Variants in OSBPL10 observed in about 807,000 individuals in gnomAD.
OSBPL10 encodes oxysterol-binding protein-related protein 10.
Under a neutral mutation model 81.7 loss-of-function variants are expected in OSBPL10, and 49 were observed. That is an observed-to-expected ratio of 0.60 (90% CI 0.48 to 0.76). The LOEUF is 0.76. Ranked by LOEUF, OSBPL10 falls within the 30% of genes least tolerant of loss-of-function variation. The pLI is 0.00. For synonymous variants in OSBPL10, 419 were observed against 383.6 expected, an observed-to-expected ratio of 1.09 and a Z score of -1.08; for missense variants, 923 against 987.8, an observed-to-expected ratio of 0.93 and a Z score of 0.88.
chr3:31,934,344 A>T (rs1697327811), intron 1 of OSBPL10, among the ~76,000 whole-genome samples: 1 of 152,034 alleles, frequency 6.6e-6, no homozygotes, highest in Non-Finnish European at 1.5e-5. Flanking sequence ...TGTGGGGAAA[A>T]GGCAAAGGAA....
intron 7 of OSBPL10, among the ~76,000 whole-genome samples, chr3:31,691,568 T>A (rs1334544172): frequency 6.6e-6 from 1 of 152,058 alleles, no homozygotes; most frequent in Non-Finnish European, 1.5e-5. Context: ...AAAATGTTTT[T>A]AAATTAGCCA....
At chr3:31,753,870 A>T (rs1559449873) in intron 4 of OSBPL10, among the ~76,000 whole-genome samples, 1 of 152,196 alleles carries the variant, frequency 6.6e-6, no homozygotes, top group Admixed American at 6.5e-5. Context: ...AGACAGAGCC[A>T]GTGCCCTGTG....
intron 7 of OSBPL10, among the ~76,000 whole-genome samples, chr3:31,694,269 G>A (rs1303070526): frequency 6.6e-6 from 1 of 150,416 alleles, no homozygotes; most frequent in African/African-American, 2.5e-5. Context: ...TACTCAGGAG[G>A]CTGAGGCAGG....
chr3:31,761,823 A>AAAAAAAAAAAAAAAAAAAAAAAC (rs1553622727), intron 4 of OSBPL10, among the ~76,000 whole-genome samples: 14 of 149,984 alleles, frequency 9.3e-5, no homozygotes, highest in African/African-American at 3.6e-4. Context: ...TAAAAAAAAA[A>AAAAAAAAAAAAAAAAAAAAAAAC]AAAAAAAACC....
chr3:31,786,856 A>G (rs1211635978), intron 4 of OSBPL10, among the ~76,000 whole-genome samples: 5 of 152,190 alleles, frequency 3.3e-5, no homozygotes, highest in Non-Finnish European at 7.3e-5. Context: ...AGACTTTTGT[A>G]GATATGAGCA....
chr3:31,836,400 A>G (rs909149617), intron 3 of OSBPL10, among the ~76,000 whole-genome samples: 2 of 152,216 alleles, frequency 1.3e-5, no homozygotes, highest in African/African-American at 4.8e-5. Context: ...ATGCACGCAA[A>G]TGCCAGATTT....
rs1336873038 is a variant in OSBPL10 at position 31,747,910 on chromosome 3, C to A, written c.940G>T (p.Glu314Ter). Reference sequence around the variant, plus strand: ...ATGGACAAGCCCCCGGGGGTCTTACCCGAGGCTCCTGGCTTCTGGCTGGGC... The same window carrying A: ...ATGGACAAGCCCCCGGGGGTCTTACACGAGGCTCCTGGCTTCTGGCTGGGC... ...GQPSQKPGAS[E>*]NILGWHGSKS... is the part of the protein sequence containing the mutation. Residue 314 changes from glutamate to a stop codon, truncating the protein, a stop_gained and splice_region_variant, in exon 5 of 12, where the codon GAA becomes TAA. Coordinates refer to ENST00000396556, the MANE Select transcript of OSBPL10 (RefSeq NM_017784.5). LOFTEE classifies it high-confidence loss of function. The A allele has an allele frequency of 6.2e-7, 1 of 1,613,032 alleles. No individual in the cohort carries two copies. The highest frequency in any genetic ancestry group is 8.5e-7 in the Non-Finnish European group (1 of 1,180,010).
intron 1 of OSBPL10, among the ~76,000 whole-genome samples, chr3:32,071,960 T>C (rs1699832503): frequency 6.6e-6 from 1 of 152,182 alleles, no homozygotes; most frequent in Non-Finnish European, 1.5e-5. Context: ...CCAGGCCTAA[T>C]TGCCACTCAC....
At chr3:32,018,501 A>G (rs1699334564) in intron 2 of OSBPL10, among the ~76,000 whole-genome samples, 1 of 152,228 alleles carries the variant, frequency 6.6e-6, no homozygotes, top group African/African-American at 2.4e-5. Flanking sequence ...AAACCAGAGC[A>G]TAAAAGGGAA....
intron 4 of OSBPL10, among the ~76,000 whole-genome samples, chr3:31,804,479 T>C (rs1385902209): frequency 6.6e-6 from 1 of 152,154 alleles, no homozygotes; most frequent in African/African-American, 2.4e-5. Flanking sequence ...GATGTCATCA[T>C]CAATCAGCAA....
chr3:31,795,194 G>A (rs1280230780), intron 4 of OSBPL10: 1 of 141,144 alleles, frequency 7.1e-6, no homozygotes, highest in Non-Finnish European at 1.5e-5. Flanking sequence ...GCCCAGGCTG[G>A]AGTGCAGTGG....
At chr3:31,795,644 T>A (rs1413376941) in intron 4 of OSBPL10, 1 of 208,436 alleles carries the variant, frequency 4.8e-6, no homozygotes, top group Admixed American at 5.2e-5. Flanking sequence ...GGCAACCTCA[T>A]TCAACACCAA....
At chr3:31,895,060 A>G (rs1225513194) in intron 1 of OSBPL10, among the ~76,000 whole-genome samples, 1 of 151,820 alleles carries the variant, frequency 6.6e-6, no homozygotes. Flanking sequence ...TCCCCAAACC[A>G]ACCCGGAAAA....
intron 7 of OSBPL10, among the ~76,000 whole-genome samples, chr3:31,697,919 C>T (rs569375710): frequency 2.6e-5 from 4 of 151,994 alleles, no homozygotes; most frequent in Non-Finnish European, 4.4e-5. Context: ...CCCACCACCA[C>T]GCCCAGCTAA....
chr3:31,670,534 T>C (rs1026821984), intron 9 of OSBPL10, among the ~76,000 whole-genome samples: 1 of 152,166 alleles, frequency 6.6e-6, no homozygotes, highest in Non-Finnish European at 1.5e-5. Context: ...GGAGAGTTTA[T>C]TCCAACAAAC....
chr3:31,821,926 CT>C (rs1456656542), intron 4 of OSBPL10, among the ~76,000 whole-genome samples: 1 of 152,200 alleles, frequency 6.6e-6, no homozygotes, highest in Admixed American at 6.5e-5. Flanking sequence ...CAGGTATTTA[CT>C]CCATCCACAT....
At chr3:32,016,266 A>G (rs1431929776) in intron 2 of OSBPL10, among the ~76,000 whole-genome samples, 1 of 152,226 alleles carries the variant, frequency 6.6e-6, no homozygotes, top group Middle Eastern at 3.2e-3. Context: ...CTATGCAGCT[A>G]TAAAAAATGA....
intron 3 of OSBPL10, among the ~76,000 whole-genome samples, chr3:31,853,803 G>A (rs56267279): frequency 0.081 from 12,307 of 152,214 alleles, 699 homozygotes; most frequent in Non-Finnish European, 0.13. Flanking sequence ...CCACACATCA[G>A]GGATCACACA....
At chr3:31,925,062 G>A in intron 1 of OSBPL10, among the ~76,000 whole-genome samples, 1 of 152,146 alleles carries the variant, frequency 6.6e-6, no homozygotes, top group Admixed American at 6.5e-5. Flanking sequence ...GTTGTGAACA[G>A]CACCTGGCTG....
Sources: gnomAD v4.1 joint callset for allele counts (sites outside exome capture counted in the v4.1 genomes callset) on GRCh38, gnomAD v4.1.1 for gene constraint, MANE v1.5 for transcripts, NCBI Gene and HGNC (gene_info 2026-07-23, HGNC 2026-07-21) for gene names.